Variants in NBAS observed in about 807,000 individuals in gnomAD.
NBAS encodes the protein NAG/BC035112 fusion.
Under a neutral mutation model 302.5 loss-of-function variants are expected in NBAS, and 219 were observed. The observed-to-expected ratio is 0.72, with a 90% confidence interval of 0.65 to 0.81. The LOEUF (loss-of-function observed/expected upper bound fraction) is 0.81, where lower values mean the gene tolerates loss of function less well. Ranked by LOEUF, NBAS falls within the 30% of genes least tolerant of loss-of-function variation. The pLI, the probability that NBAS is intolerant of heterozygous loss-of-function variation, is 0.00. For missense variants in NBAS, 2,932 were observed against 2,841.6 expected, an observed-to-expected ratio of 1.03 and a Z score of -0.72; for synonymous variants, 1,118 against 1,021.6, an observed-to-expected ratio of 1.09 and a Z score of -1.80.
At chr2:14,868,406 C>T in the NBAS span, among the ~76,000 whole-genome samples, 1 of 152,122 alleles carries the variant, frequency 6.6e-6, no homozygotes, top group African/African-American at 2.4e-5. Context: ...ACTAAAATTT[C>T]ACCATGGCAA....
At chr2:15,122,337 C>A in the NBAS span, among the ~76,000 whole-genome samples, 1 of 152,206 alleles carries the variant, frequency 6.6e-6, no homozygotes, top group East Asian at 1.9e-4. Context: ...GGAACTTCCA[C>A]TCATGGTAGA....
the NBAS span, among the ~76,000 whole-genome samples, chr2:14,981,070 A>G: frequency 6.6e-6 from 1 of 152,144 alleles, no homozygotes; most frequent in Non-Finnish European, 1.5e-5. Context: ...AGAGGAAAAA[A>G]AAACAGAAGA....
At chr2:15,470,311 C>T (rs1035295056) in intron 16 of NBAS, among the ~76,000 whole-genome samples, 2 of 152,188 alleles carry the variant, frequency 1.3e-5, no homozygotes, top group African/African-American at 2.4e-5. Context: ...AAATCCACAA[C>T]AGTAGATAAA....
Position 15,475,738 on chromosome 2 carries a change from T to G in NBAS, c.1290A>C (p.Glu430Asp). The G allele has an allele frequency of 6.2e-7, 1 of 1,614,096 alleles. No individual in the cohort carries two copies. Among genetic ancestry groups the G allele is most frequent in the Non-Finnish European group, 8.5e-7 (1 of 1,179,990 alleles). The change falls in exon 14 of 52, where the codon GAA (glutamate) becomes GAC (aspartate). Residue 430 changes from glutamate (E) to aspartate (D), a missense_variant. By Grantham distance (45) the Glu-to-Asp change is conservative. Coordinates refer to ENST00000281513, the MANE Select transcript of NBAS (RefSeq NM_015909.4). ...NLLGKSCEWF[E>D]PSPQVTATHD... ...GGGTAGCAGTGACTTGAGGTGATGG[T>G]TCAAACCATTCACAGGATTTTCCCA...
intron 35 of NBAS, among the ~76,000 whole-genome samples, chr2:15,331,045 A>G (rs923564058): frequency 1.3e-5 from 2 of 152,200 alleles, no homozygotes; most frequent in Admixed American, 6.5e-5. Context: ...TATAAAGCAA[A>G]TAATTGGTAT....
intron 44 of NBAS, among the ~76,000 whole-genome samples, chr2:15,251,606 G>A (rs945888482): frequency 5.3e-5 from 8 of 152,142 alleles, no homozygotes; most frequent in Non-Finnish European, 1.2e-4. Context: ...TAAATTAGGG[G>A]TGTATTATTC....
rs757346977 is a variant in NBAS, at chr2:15,275,771, C to T, written c.5437G>A (p.Ala1813Thr). 12 of 1,614,054 alleles carry T rather than the reference C, an allele frequency of 7.4e-6. No homozygotes were observed. The East Asian group carries it at 1.6e-4, about 21-fold the overall frequency. The change falls in exon 44 of 52, where the codon GCA becomes ACA. Residue 1813 changes from alanine to threonine, a missense_variant. By Grantham distance (58) the Ala-to-Thr change is moderately conservative. Coordinates refer to ENST00000281513, the MANE Select transcript of NBAS (RefSeq NM_015909.4). ...TGACTTGAAAGAACTGGCTCCAATG[C>T]TTCAAGAGGACTCATGTTTTCATCT... The part of the protein sequence containing the change: ...LTDENMSPLE[A>T]LEPVLSSQNI...
At chr2:15,389,922 G>A (rs1675504053) in intron 28 of NBAS, among the ~76,000 whole-genome samples, 1 of 152,178 alleles carries the variant, frequency 6.6e-6, no homozygotes, top group South Asian at 2.1e-4. Flanking sequence ...TCTAAGCAGA[G>A]ACTTCTGGAG....
At chr2:15,156,819 G>A in the NBAS span, among the ~76,000 whole-genome samples, 3 of 152,142 alleles carry the variant, frequency 2.0e-5, no homozygotes, top group African/African-American at 7.2e-5. Context: ...CCCTGTGCCA[G>A]GCACAAACCC....
chr2:14,948,464 G>T, the NBAS span, among the ~76,000 whole-genome samples: 7 of 151,928 alleles, frequency 4.6e-5, no homozygotes, highest in African/African-American at 1.7e-4. Flanking sequence ...AGTGTAAAAT[G>T]TGAAAAATTA....
At chr2:15,186,717 G>T in intron 50 of NBAS, 25 bp downstream of exon 50, 1 of 1,613,594 alleles carries the variant, frequency 6.2e-7, no homozygotes, top group South Asian at 1.1e-5. Flanking sequence ...CACTCCTTAG[G>T]AAAGCACTCA....
At chr2:15,440,877 G>A (rs943214117) in intron 21 of NBAS, among the ~76,000 whole-genome samples, 7 of 151,872 alleles carry the variant, frequency 4.6e-5, no homozygotes, top group African/African-American at 7.3e-5. Flanking sequence ...CTCAGGAGCC[G>A]ATGCGATCAA....
intron 21 of NBAS, among the ~76,000 whole-genome samples, chr2:15,454,640 G>A (rs1259582997): frequency 1.3e-5 from 2 of 152,132 alleles, no homozygotes; most frequent in Admixed American, 6.5e-5. Flanking sequence ...GCCGGATTCC[G>A]TGTGCATGTA....
the NBAS span, among the ~76,000 whole-genome samples, chr2:14,801,330 T>C: frequency 1.3e-5 from 2 of 152,142 alleles, no homozygotes; most frequent in Non-Finnish European, 2.9e-5. Context: ...TTGCTTGAAA[T>C]TGCTCCATAG....
chr2:15,493,942 C>G (rs1680968106), intron 11 of NBAS, among the ~76,000 whole-genome samples: 1 of 151,172 alleles, frequency 6.6e-6, no homozygotes, highest in African/African-American at 2.4e-5. Context: ...TCTCCTGCCT[C>G]AGCCTCCCAC....
the NBAS span, among the ~76,000 whole-genome samples, chr2:15,011,140 C>T: frequency 6.6e-6 from 1 of 152,180 alleles, no homozygotes; most frequent in South Asian, 2.1e-4. Context: ...TTTTCTCTTC[C>T]TTTCTTAATA....
intron 6 of NBAS, among the ~76,000 whole-genome samples, chr2:15,543,526 G>A (rs910044694): frequency 6.6e-6 from 1 of 152,036 alleles, no homozygotes; most frequent in Non-Finnish European, 1.5e-5. Context: ...AAAAGAAAGA[G>A]GTTTAATTGA....
At chr2:15,285,911 C>T (rs764121204) in intron 42 of NBAS, among the ~76,000 whole-genome samples, 14 of 152,142 alleles carry the variant, frequency 9.2e-5, no homozygotes, top group African/African-American at 1.4e-4. Flanking sequence ...TATCACAGCG[C>T]GGCCTCCCAA....
At chr2:14,925,263 T>C in the NBAS span, among the ~76,000 whole-genome samples, 1 of 152,134 alleles carries the variant, frequency 6.6e-6, no homozygotes, top group Admixed American at 6.5e-5. Context: ...CTCACCAGTA[T>C]CATCTCATGC....
Sources: gnomAD v4.1 joint callset for allele counts (sites outside exome capture counted in the v4.1 genomes callset) on GRCh38, gnomAD v4.1.1 for gene constraint, MANE v1.5 for transcripts, NCBI Gene and HGNC (gene_info 2026-07-23, HGNC 2026-07-21) for gene names.